The following KIF13B variants were observed in gnomAD, a reference collection of about 807,000 sequenced individuals.
KIF13B encodes kinesin family member 13B, also known as kinesin-like protein KIF13B.
In KIF13B, 127 loss-of-function variants were observed where a neutral mutation model predicts 222.0. That is an observed-to-expected ratio of 0.57 (90% CI 0.50 to 0.66). KIF13B has a LOEUF of 0.66. Among genes scored for constraint, KIF13B ranks in the 30% least tolerant of loss-of-function variants. The pLI is 0.00. For synonymous variants in KIF13B, 976 were observed against 919.0 expected (o/e 1.06, Z -1.12); for missense variants, 2,173 against 2,379.0 (o/e 0.91, Z 1.80).
intron 10 of KIF13B, among the ~76,000 whole-genome samples, chr8:29,173,039 C>T (rs530342438): frequency 5.3e-5 from 8 of 151,968 alleles, no homozygotes; most frequent in South Asian, 4.2e-4. Context: ...CTCAATCTCC[C>T]GAGTAGCTGG....
chr8:29,190,726 C>T (rs1462394090), intron 4 of KIF13B: 1 of 417,738 alleles, frequency 2.4e-6, no homozygotes, highest in Non-Finnish European at 4.4e-6. Flanking sequence ...GGACTGAGCC[C>T]TCAGTCTGTG....
At position 29,088,446 on chromosome 8, in the gene KIF13B, C is replaced by T. The variant is rs76288235; in HGVS notation, c.4458+4299G>A. Among the ~76,000 whole-genome samples, 1,465 of 152,286 alleles carry T rather than the reference C, an allele frequency of 9.6e-3. 20 individuals are homozygous for T. Among genetic ancestry groups the T allele is most frequent in the African/African-American group, 0.033 (1,376 of 41,558 alleles). On this transcript the variant is annotated intron_variant, in intron 37 of 39. Coordinates refer to ENST00000524189, the MANE Select transcript of KIF13B (RefSeq NM_015254.4). Reference sequence around the variant, plus strand: ...TGGCTCACATATACAATCCTCCCCACTCCCTTTACTTCCTGGTAAGAACAA... The same window carrying T: ...TGGCTCACATATACAATCCTCCCCATTCCCTTTACTTCCTGGTAAGAACAA...
chr8:29,111,422 T>G (rs1053152568), intron 32 of KIF13B, among the ~76,000 whole-genome samples: 3 of 152,250 alleles, frequency 2.0e-5, no homozygotes, highest in Non-Finnish European at 2.9e-5. Context: ...ATGATGAAAC[T>G]TGCCTATTAA....
intron 13 of KIF13B, among the ~76,000 whole-genome samples, chr8:29,160,236 A>G (rs1057191997): frequency 6.6e-6 from 1 of 152,172 alleles, no homozygotes; most frequent in Non-Finnish European, 1.5e-5. Flanking sequence ...TAAATAACCT[A>G]TACTCTCTCT....
chr8:29,249,586 T>C (rs1484288557), intron 1 of KIF13B, among the ~76,000 whole-genome samples: 1 of 152,194 alleles, frequency 6.6e-6, no homozygotes, highest in Non-Finnish European at 1.5e-5. Context: ...TAATTGTTTT[T>C]TTCACTTTAA....
At chr8:29,223,346 C>CAAA (rs61569989) in intron 2 of KIF13B, among the ~76,000 whole-genome samples, 1 of 132,588 alleles carries the variant, frequency 7.5e-6, no homozygotes, top group Non-Finnish European at 1.5e-5. Context: ...AAAAAAAAAA[C>CAAA]AAAAAAATCT....
At chr8:29,203,611 C>T (rs1014772052) in intron 2 of KIF13B, among the ~76,000 whole-genome samples, 4 of 152,130 alleles carry the variant, frequency 2.6e-5, no homozygotes, top group Admixed American at 1.3e-4. Flanking sequence ...ACAGAAAATG[C>T]GCCAGGTGCG....
intron 21 of KIF13B, among the ~76,000 whole-genome samples, chr8:29,138,923 A>T (rs1810684573): frequency 6.6e-6 from 1 of 152,180 alleles, no homozygotes; most frequent in African/African-American, 2.4e-5. Context: ...TTAATTTTTG[A>T]CAAATTACTA....
At chr8:29,228,472 A>AATATAT (rs1491523107) in intron 2 of KIF13B, among the ~76,000 whole-genome samples, 1 of 117,084 alleles carries the variant, frequency 8.5e-6, no homozygotes, top group Non-Finnish European at 1.8e-5. Context: ...ATCTTAAAAA[A>AATATAT]ATATATATAT....
chr8:29,117,552 T>A (rs890003546), intron 30 of KIF13B, among the ~76,000 whole-genome samples: 1 of 152,188 alleles, frequency 6.6e-6, no homozygotes, highest in African/African-American at 2.4e-5. Flanking sequence ...CAATAGCTCC[T>A]TGGCCCTTCC....
At chr8:29,092,717 T>C in intron 37 of KIF13B, 28 bp downstream of exon 37, 1 of 1,594,158 alleles carries the variant, frequency 6.3e-7, no homozygotes, top group Non-Finnish European at 8.5e-7. Flanking sequence ...AGAAAAACGT[T>C]CACAGCTGTT....
intron 2 of KIF13B, among the ~76,000 whole-genome samples, chr8:29,242,267 C>T (rs1010220968): frequency 6.6e-6 from 1 of 152,036 alleles, no homozygotes; most frequent in Admixed American, 6.6e-5. Context: ...ACAACAACAA[C>T]AAAAAACCCC....
chr8:29,104,507 T>C (rs1448427556), intron 35 of KIF13B, among the ~76,000 whole-genome samples: 1 of 152,220 alleles, frequency 6.6e-6, no homozygotes, highest in Non-Finnish European at 1.5e-5. Flanking sequence ...TGCATACATT[T>C]GTACCATATA....
intron 24 of KIF13B, among the ~76,000 whole-genome samples, chr8:29,129,710 T>C (rs1300664260): frequency 6.6e-6 from 1 of 152,198 alleles, no homozygotes; most frequent in African/African-American, 2.4e-5. Context: ...CACTGTTAGT[T>C]GGCAGCACAG....
intron 1 of KIF13B, among the ~76,000 whole-genome samples, chr8:29,262,656 C>T (rs1816723386): frequency 6.6e-6 from 1 of 151,086 alleles, no homozygotes; most frequent in South Asian, 2.1e-4. Context: ...GGCGCGAGGG[C>T]CGAGGGCGCC....
At chr8:29,124,883 CAAA>C (rs35910865) in intron 26 of KIF13B, among the ~76,000 whole-genome samples, 8 of 125,722 alleles carry the variant, frequency 6.4e-5, no homozygotes, top group Admixed American at 7.9e-5. Context: ...AACTCCATCC[CAAA>C]AAAAAAAAAA....
Position 29,263,017 on chromosome 8 carries a change from C to G in KIF13B, c.18G>C (p.Val6=). 1 of 1,599,532 alleles carries G rather than the reference C, an allele frequency of 6.3e-7. No homozygotes were observed. The highest frequency in any genetic ancestry group is 1.4e-5 in the African/African-American group (1 of 73,758). Residue 6 remains valine (V), a synonymous_variant, in exon 1 of 40, where the codon GTG becomes GTC. Transcript: ENST00000524189. MGDSK[V]KVAVRIRPMN... is the part of the protein sequence containing the mutation. ...TGGGTCGTATCCGCACCGCCACTTT[C>G]ACTTTGGAGTCCCCCATCCTGCAGC...
In KIF13B at chr8:29,127,272, G is replaced by C; in HGVS notation, c.3076-4C>G. 6.2e-7 allele frequency: 1 copy of C among 1,612,314 alleles called. No individual in the cohort carries two copies. Among genetic ancestry groups the C allele is most frequent in the Non-Finnish European group, 8.5e-7 (1 of 1,179,080 alleles). On this transcript the variant is annotated splice_region_variant and splice_polypyrimidine_tract_variant and intron_variant, in intron 24 of 39. Transcript: ENST00000524189. ...CTTGAACTCTCCGGGACTGCCCCTG[G>C]GTCACAGACAATTTAGAGTCTTAAA...
At chr8:29,224,850 A>G (rs370962418) in intron 2 of KIF13B, among the ~76,000 whole-genome samples, 3 of 152,200 alleles carry the variant, frequency 2.0e-5, no homozygotes, top group South Asian at 2.1e-4. Flanking sequence ...TTTTTTGGGT[A>G]TAATTTAATA....
Sources: allele counts gnomAD v4.1 joint callset (sites outside exome capture counted in the v4.1 genomes callset), GRCh38; gene constraint gnomAD v4.1.1; transcripts MANE v1.5; gene names NCBI Gene and HGNC (gene_info 2026-07-23, HGNC 2026-07-21).